Variants in OMA1 observed in about 807,000 individuals in gnomAD.
OMA1 encodes the protein metalloendopeptidase OMA1, mitochondrial.
Under a neutral mutation model 30.9 loss-of-function variants are expected in OMA1, and 38 were observed. That is an observed-to-expected ratio of 1.23 (90% CI 0.95 to 1.61). OMA1 has a LOEUF of 1.61. OMA1 is among the 40% of genes most tolerant of loss of function. The probability of loss-of-function intolerance (pLI) is 0.00; values close to 1 mark genes in which losing one functional copy is unlikely to be tolerated. For synonymous variants in OMA1, 173 were observed against 121.9 expected, an observed-to-expected ratio of 1.42 and a Z score of -2.76; for missense variants, 461 against 349.2, an observed-to-expected ratio of 1.32 and a Z score of -2.55.
intron 2 of OMA1, 120 bp from the exon 3 acceptor site, chr1:58,536,861 C>T (rs1045676110): frequency 4.8e-6 from 3 of 629,894 alleles, no homozygotes; most frequent in Middle Eastern, 5.6e-4. Context: ...ATGTATTTCG[C>T]TGAATACATC....
intron 3 of OMA1, among the ~76,000 whole-genome samples, chr1:58,534,756 G>A (rs1646490677): frequency 6.6e-6 from 1 of 151,988 alleles, no homozygotes; most frequent in Non-Finnish European, 1.5e-5. Context: ...GCAACATGGT[G>A]AAACCCCGTC....
At chr1:58,481,308 T>C (rs767407759) in intron 8 of OMA1, 134 bp from the exon 9 acceptor site, 1 of 399,214 alleles carries the variant, frequency 2.5e-6, no homozygotes, top group African/African-American at 2.1e-5. Flanking sequence ...GTATCTTGAT[T>C]ATAACACATA....
chr1:58,496,014 C>G (rs888712412), intron 8 of OMA1, among the ~76,000 whole-genome samples: 37 of 152,182 alleles, frequency 2.4e-4, no homozygotes, highest in African/African-American at 8.7e-4. Flanking sequence ...TGGGAATCTC[C>G]TAAAAACCCA....
chr1:58,514,913 C>G (rs1274019322), intron 7 of OMA1, among the ~76,000 whole-genome samples: 1 of 152,170 alleles, frequency 6.6e-6, no homozygotes, highest in Non-Finnish European at 1.5e-5. Flanking sequence ...CTTAACTCCT[C>G]CATCCCTCAG....
At chr1:58,527,995 T>C (rs1458179439) in intron 6 of OMA1, among the ~76,000 whole-genome samples, 1 of 152,226 alleles carries the variant, frequency 6.6e-6, no homozygotes, top group Non-Finnish European at 1.5e-5. Context: ...AGGAGATGAA[T>C]CAATAGGCAG....
Position 58,480,948 on chromosome 1 carries a change from G to T in OMA1, c.*17C>A. On this transcript the variant is annotated 3_prime_UTR_variant, in exon 9 of 9. Transcript: ENST00000371226. ...CTGCAACATTCTTCATATATCTTGTGTCTCATAAATTTTAATTCAACTGCC... is the reference window on the plus strand; with the variant it reads ...CTGCAACATTCTTCATATATCTTGTTTCTCATAAATTTTAATTCAACTGCC... The T allele has an allele frequency of 2.4e-6, 2 of 848,150 alleles. No homozygotes were observed. The highest frequency in any genetic ancestry group is 2.0e-6 in the Non-Finnish European group (1 of 490,578). The allele number at this position is 848,150 out of a possible 1,614,324, so 52.5% of individuals were successfully genotyped here.
At chr1:58,519,744 T>C (rs995822260) in intron 7 of OMA1, among the ~76,000 whole-genome samples, 2 of 151,874 alleles carry the variant, frequency 1.3e-5, no homozygotes, top group African/African-American at 4.8e-5. Flanking sequence ...CATGAATTTT[T>C]AAAAAAATAT....
intron 3 of OMA1, among the ~76,000 whole-genome samples, chr1:58,535,562 G>A (rs1646503144): frequency 7.3e-6 from 1 of 136,166 alleles, no homozygotes; most frequent in Non-Finnish European, 1.5e-5. Context: ...CACCACTGCA[G>A]TACAGCCTGG....
chr1:58,534,419 T>G, intron 3 of OMA1, 88 bp from the exon 4 acceptor site: 1 of 624,782 alleles, frequency 1.6e-6, no homozygotes, highest in Non-Finnish European at 2.8e-6. Flanking sequence ...CTACTTATTA[T>G]TGAACATTTT....
At chr1:58,492,968 G>C (rs1296068167) in intron 8 of OMA1, among the ~76,000 whole-genome samples, 1 of 152,090 alleles carries the variant, frequency 6.6e-6, no homozygotes. Context: ...AACAAAAAAA[G>C]AGAATTTTAG....
In OMA1 at chr1:58,538,850, G is replaced by C. The variant is rs761388062; in HGVS notation, c.445C>G (p.Leu149Val). 1.5e-5 allele frequency: 13 copies of C among 869,776 alleles called. No homozygotes were observed. Among genetic ancestry groups the C allele is most frequent in the Non-Finnish European group, 4.0e-6 (2 of 500,846 alleles). 53.9% of individuals were successfully genotyped at this position (869,776 alleles called of 1,614,324 possible). A position where few individuals can be genotyped will look rare whatever the true frequency, so the allele number is the denominator to read the frequency against. Residue 149 changes from leucine (L) to valine (V), a missense_variant, in exon 2 of 9, where the codon CTC becomes GTC. Physicochemically the swap from Leu to Val is conservative, Grantham distance 32. Transcript: ENST00000371226. ...ACTGGTTTAAGAATCATCAACAAGA[G>C]AGGAACCGGAGCAGCTTGAAACCGT... Reference protein sequence around the residue: ...SPRFQAAPVPLLLMILKPVQK... With the variant: ...SPRFQAAPVPVLLMILKPVQK...
At chr1:58,484,672 C>T (rs2100356182) in intron 8 of OMA1, among the ~76,000 whole-genome samples, 1 of 152,222 alleles carries the variant, frequency 6.6e-6, no homozygotes, top group Admixed American at 6.5e-5. Context: ...ACCAAGATTT[C>T]CTTCGATAGG....
intron 8 of OMA1, among the ~76,000 whole-genome samples, chr1:58,500,976 A>G (rs1645897783): frequency 6.6e-6 from 1 of 152,216 alleles, no homozygotes; most frequent in Non-Finnish European, 1.5e-5. Context: ...GTGTAACTAT[A>G]ATTTTAAAAC....
intron 8 of OMA1, among the ~76,000 whole-genome samples, chr1:58,492,128 C>A (rs1645705530): frequency 6.6e-6 from 1 of 152,162 alleles, no homozygotes. Flanking sequence ...AACCACTCAA[C>A]CACATGGCAA....
intron 8 of OMA1, among the ~76,000 whole-genome samples, chr1:58,489,572 T>A (rs1334520191): frequency 2.6e-5 from 4 of 152,196 alleles, no homozygotes; most frequent in Admixed American, 6.5e-5. Context: ...AATGTCCCTG[T>A]CTGACAGCTT....
chr1:58,524,604 A>G (rs1557453124), intron 7 of OMA1, among the ~76,000 whole-genome samples: 1 of 152,192 alleles, frequency 6.6e-6, no homozygotes, highest in African/African-American at 2.4e-5. Flanking sequence ...TGACTTCACA[A>G]ATTTTCTTTT....
At chr1:58,545,813 T>C (rs1226419928) in intron 1 of OMA1, among the ~76,000 whole-genome samples, 2 of 152,206 alleles carry the variant, frequency 1.3e-5, no homozygotes, top group African/African-American at 4.8e-5. Context: ...AAATAGGACA[T>C]GTACTTTAAA....
chr1:58,499,885 T>A (rs943356078), intron 8 of OMA1, among the ~76,000 whole-genome samples: 1 of 151,994 alleles, frequency 6.6e-6, no homozygotes, highest in African/African-American at 2.4e-5. Context: ...CTAATACACA[T>A]CAGTATTCTG....
chr1:58,518,349 AGAAGG>A (rs757786615), intron 7 of OMA1, among the ~76,000 whole-genome samples: 21,005 of 59,322 alleles, frequency 0.35, 7,633 homozygotes, highest in East Asian at 0.68. Context: ...AGAAGAGAAG[AGAAGG>A]GAAGGGAAGA....
Sources: gnomAD v4.1 joint callset for allele counts (sites outside exome capture counted in the v4.1 genomes callset) on GRCh38, gnomAD v4.1.1 for gene constraint, MANE v1.5 for transcripts, NCBI Gene and HGNC (gene_info 2026-07-23, HGNC 2026-07-21) for gene names.